The following LRRC4C variants were observed in gnomAD, a reference collection of about 807,000 sequenced individuals.
LRRC4C encodes the protein leucine-rich repeat-containing protein 4C.
In LRRC4C, 5 loss-of-function variants were observed where a neutral mutation model predicts 33.6. The observed-to-expected ratio is 0.15, with a 90% CI of 0.08 to 0.31. The LOEUF (loss-of-function observed/expected upper bound fraction) is 0.31, where lower values mean the gene tolerates loss of function less well. LRRC4C is among the 10% of genes least tolerant of loss of function. The probability of loss-of-function intolerance (pLI) is 1.00; values close to 1 mark genes in which losing one functional copy is unlikely to be tolerated. For missense variants in LRRC4C, 560 were observed against 796.7 expected (o/e 0.70, Z 3.58); for synonymous variants, 329 against 302.0 (o/e 1.09, Z -0.93).
intron 4 of LRRC4C, among the ~76,000 whole-genome samples, chr11:40,265,332 A>C (rs191609253): frequency 3.1e-3 from 477 of 152,266 alleles, no homozygotes; most frequent in Admixed American, 5.8e-3. Context: ...TTATTATTGC[A>C]GCTGTTGAAG....
At chr11:41,438,410 A>C (rs4756647) in intron 1 of LRRC4C, among the ~76,000 whole-genome samples, 68,286 of 151,940 alleles carry the variant, frequency 0.45, 15,816 homozygotes, top group Middle Eastern at 0.52. Context: ...ATAATCCAAC[A>C]AAAAGCTGAG....
At chr11:41,071,553 T>C (rs1011566445) in intron 1 of LRRC4C, among the ~76,000 whole-genome samples, 9 of 152,158 alleles carry the variant, frequency 5.9e-5, no homozygotes, top group African/African-American at 1.9e-4. Flanking sequence ...AATACTTTAA[T>C]CCCACTGTTG....
At chr11:41,139,428 G>T (rs2135896555) in intron 1 of LRRC4C, among the ~76,000 whole-genome samples, 1 of 152,248 alleles carries the variant, frequency 6.6e-6, no homozygotes, top group Admixed American at 6.5e-5. Context: ...ACCATAATTG[G>T]CTATGAGCAA....
intron 2 of LRRC4C, among the ~76,000 whole-genome samples, chr11:40,929,499 G>A (rs1957525318): frequency 6.6e-6 from 1 of 152,212 alleles, no homozygotes; most frequent in African/African-American, 2.4e-5. Flanking sequence ...GAAAAATGTA[G>A]TTTGGGTGTA....
At chr11:41,036,923 A>T (rs1387377577) in intron 1 of LRRC4C, among the ~76,000 whole-genome samples, 1 of 152,162 alleles carries the variant, frequency 6.6e-6, no homozygotes, top group Non-Finnish European at 1.5e-5. Context: ...GGCACAAAAC[A>T]TTTGCATCAC....
At chr11:40,234,001 T>A (rs1057396271) in intron 5 of LRRC4C, among the ~76,000 whole-genome samples, 7 of 152,184 alleles carry the variant, frequency 4.6e-5, no homozygotes, top group Non-Finnish European at 2.9e-5. Flanking sequence ...ACTACACTCA[T>A]CTTATATATG....
chr11:41,163,616 T>C (rs1053022613), intron 1 of LRRC4C, among the ~76,000 whole-genome samples: 1 of 112,160 alleles, frequency 8.9e-6, no homozygotes, highest in East Asian at 2.4e-4. Flanking sequence ...TTAAAAACTG[T>C]TTTTTTTTTG....
intron 2 of LRRC4C, among the ~76,000 whole-genome samples, chr11:40,871,478 A>G (rs1954642972): frequency 6.6e-6 from 1 of 152,114 alleles, no homozygotes; most frequent in Non-Finnish European, 1.5e-5. Context: ...CACTTAGGGA[A>G]AATAGAAAAG....
intron 3 of LRRC4C, among the ~76,000 whole-genome samples, chr11:40,521,333 T>A (rs1042945529): frequency 2.6e-5 from 4 of 152,228 alleles, no homozygotes; most frequent in African/African-American, 9.6e-5. Flanking sequence ...AAATAATTCT[T>A]AATGAATAGT....
intron 2 of LRRC4C, among the ~76,000 whole-genome samples, chr11:40,848,089 T>G (rs1343851480): frequency 6.6e-6 from 1 of 151,838 alleles, no homozygotes; most frequent in South Asian, 2.1e-4. Flanking sequence ...ATCTATCTTT[T>G]TTTTTAAAAA....
At chr11:40,243,685 ATC>A (rs1447904170) in intron 4 of LRRC4C, among the ~76,000 whole-genome samples, 38 of 139,760 alleles carry the variant, frequency 2.7e-4, no homozygotes, top group African/African-American at 9.8e-4. Flanking sequence ...AAAAACTTAT[ATC>A]TTTTTTTTTT....
intron 1 of LRRC4C, among the ~76,000 whole-genome samples, chr11:41,016,679 T>C (rs1369052485): frequency 6.9e-6 from 1 of 145,122 alleles, no homozygotes; most frequent in Non-Finnish European, 1.5e-5. Flanking sequence ...CTCTGGGTAT[T>C]TGCTTCAATA....
intron 1 of LRRC4C, among the ~76,000 whole-genome samples, chr11:41,389,654 T>C (rs139115422): frequency 9.1e-5 from 2 of 21,956 alleles, no homozygotes; most frequent in Non-Finnish European, 2.2e-4. Flanking sequence ...AAAAAAAAAA[T>C]CACAAAAGAA....
At chr11:40,160,056 A>G (rs1034751610) in intron 5 of LRRC4C, among the ~76,000 whole-genome samples, 2 of 152,228 alleles carry the variant, frequency 1.3e-5, no homozygotes, top group Non-Finnish European at 2.9e-5. Flanking sequence ...CCAGGGAACC[A>G]AGACACAGTG....
intron 3 of LRRC4C, among the ~76,000 whole-genome samples, chr11:40,595,699 A>T (rs539203098): frequency 6.6e-6 from 1 of 152,070 alleles, no homozygotes; most frequent in Non-Finnish European, 1.5e-5. Context: ...CCTCCATTCA[A>T]ACGCCTATCT....
At chr11:41,306,423 C>T (rs761271417) in intron 1 of LRRC4C, among the ~76,000 whole-genome samples, 13 of 152,304 alleles carry the variant, frequency 8.5e-5, no homozygotes, top group East Asian at 1.9e-4. Context: ...TTAGTATCTA[C>T]TCCTCTTCGA....
At chr11:40,855,936 T>C (rs1953757912) in intron 2 of LRRC4C, among the ~76,000 whole-genome samples, 5 of 151,886 alleles carry the variant, frequency 3.3e-5, no homozygotes, top group Non-Finnish European at 7.4e-5. Flanking sequence ...TTTATGTTGC[T>C]TTTTTCTATT....
At chr11:40,280,805 A>C (rs879031427) in intron 4 of LRRC4C, among the ~76,000 whole-genome samples, 1 of 152,170 alleles carries the variant, frequency 6.6e-6, no homozygotes, top group African/African-American at 2.4e-5. Flanking sequence ...CCTACCAACA[A>C]GGGAAAGCCC....
intron 1 of LRRC4C, among the ~76,000 whole-genome samples, chr11:41,168,564 T>A (rs185043091): frequency 6.6e-6 from 1 of 152,132 alleles, no homozygotes; most frequent in African/African-American, 2.4e-5. Flanking sequence ...AACCAAACAA[T>A]TCATATAAGG....
Sources: allele counts gnomAD v4.1 joint callset (sites outside exome capture counted in the v4.1 genomes callset), GRCh38; gene constraint gnomAD v4.1.1; transcripts MANE v1.5; gene names NCBI Gene and HGNC (gene_info 2026-07-23, HGNC 2026-07-21).